GTF2E2: variants seen among roughly 807,000 people sequenced by gnomAD.
GTF2E2 encodes transcription initiation factor IIE subunit beta.
GTF2E2 carries 21 observed loss-of-function variants against 40.5 expected under a neutral mutation model. The observed-to-expected ratio is 0.52, with a 90% CI of 0.37 to 0.75. The LOEUF (loss-of-function observed/expected upper bound fraction) is 0.75, where lower values mean the gene tolerates loss of function less well. Ranked by LOEUF, GTF2E2 falls within the 30% of genes least tolerant of loss-of-function variation. The probability of loss-of-function intolerance (pLI) is 0.00; values close to 1 mark genes in which losing one functional copy is unlikely to be tolerated. For synonymous variants in GTF2E2, 117 were observed against 121.6 expected, an observed-to-expected ratio of 0.96 and a Z score of 0.25; for missense variants, 298 against 338.4, an observed-to-expected ratio of 0.88 and a Z score of 0.94.
intron 2 of GTF2E2, among the ~76,000 whole-genome samples, chr8:30,640,493 A>G (rs1801777685): frequency 6.6e-6 from 1 of 152,222 alleles, no homozygotes; most frequent in Non-Finnish European, 1.5e-5. Context: ...ATGCTAAAAA[A>G]AAATTATGTG....
chr8:30,593,313 C>A (rs542071013), intron 6 of GTF2E2, among the ~76,000 whole-genome samples: 41 of 152,326 alleles, frequency 2.7e-4, no homozygotes, highest in African/African-American at 9.6e-4. Context: ...TCATAATTTT[C>A]CATCTATCTG....
chr8:30,635,461 C>A (rs926317572), intron 2 of GTF2E2, among the ~76,000 whole-genome samples: 2 of 152,108 alleles, frequency 1.3e-5, no homozygotes, highest in African/African-American at 2.4e-5. Flanking sequence ...CAGCTCACTA[C>A]ACCCTCAACT....
intron 6 of GTF2E2, among the ~76,000 whole-genome samples, chr8:30,599,198 T>C (rs1254992025): frequency 6.6e-6 from 1 of 152,210 alleles, no homozygotes; most frequent in Admixed American, 6.5e-5. Flanking sequence ...ATGTCTATCT[T>C]TTGATCCAGC....
At chr8:30,644,750 ATT>A (rs5890531) in intron 2 of GTF2E2, among the ~76,000 whole-genome samples, 52,935 of 141,510 alleles carry the variant, frequency 0.37, 9,661 homozygotes, top group South Asian at 0.55. Flanking sequence ...CGGTATATGA[ATT>A]TTTTTTTTTT....
At chr8:30,595,148 TATTTA>T (rs896625970) in intron 6 of GTF2E2, among the ~76,000 whole-genome samples, 5 of 152,212 alleles carry the variant, frequency 3.3e-5, no homozygotes, top group African/African-American at 1.2e-4. Context: ...ACAACATACA[TATTTA>T]ATTAATCAGA....
At chr8:30,603,064 T>C (rs778131078) in intron 6 of GTF2E2, among the ~76,000 whole-genome samples, 2 of 152,208 alleles carry the variant, frequency 1.3e-5, no homozygotes, top group Admixed American at 1.3e-4. Flanking sequence ...ATTTTGTATA[T>C]TGTCCTCCAC....
At chr8:30,628,364 C>A (rs1801345274) in intron 3 of GTF2E2, among the ~76,000 whole-genome samples, 2 of 152,164 alleles carry the variant, frequency 1.3e-5, no homozygotes, top group Non-Finnish European at 2.9e-5. Context: ...AAAGAGCAGG[C>A]TAATAAGCTG....
At chr8:30,615,794 T>G (rs909874974) in intron 3 of GTF2E2, among the ~76,000 whole-genome samples, 1 of 152,166 alleles carries the variant, frequency 6.6e-6, no homozygotes, top group East Asian at 1.9e-4. Context: ...CTCTTACCAT[T>G]TGATCAATCT....
At chr8:30,657,146 T>A (rs1017140095) in intron 1 of GTF2E2, 1 of 152,266 alleles carries the variant, frequency 6.6e-6, no homozygotes, top group African/African-American at 2.4e-5. Context: ...CATCACGTGC[T>A]CCGCCTAACT....
chr8:30,608,814 A>G (rs1829396830), intron 5 of GTF2E2, among the ~76,000 whole-genome samples: 1 of 152,180 alleles, frequency 6.6e-6, no homozygotes, highest in South Asian at 2.1e-4. Context: ...CAGTGACGCG[A>G]TCTTGGCTCA....
chr8:30,580,185 G>T, intron 7 of GTF2E2, 96 bp downstream of exon 7: 1 of 725,236 alleles, frequency 1.4e-6, no homozygotes, highest in Non-Finnish European at 2.4e-6. Context: ...AAACAATGGC[G>T]GGGGAACAAC....
chr8:30,630,752 T>A (rs1474670256), intron 3 of GTF2E2, among the ~76,000 whole-genome samples: 1 of 152,198 alleles, frequency 6.6e-6, no homozygotes, highest in African/African-American at 2.4e-5. Flanking sequence ...GAATGGTAAC[T>A]GAGGTGCCGT....
intron 3 of GTF2E2, among the ~76,000 whole-genome samples, chr8:30,615,997 C>T (rs549959071): frequency 7.9e-5 from 12 of 152,124 alleles, no homozygotes; most frequent in South Asian, 6.2e-4. Context: ...AGTGCTAAAA[C>T]GAAATGAGCT....
intron 6 of GTF2E2, among the ~76,000 whole-genome samples, chr8:30,599,470 T>G (rs1366362475): frequency 6.6e-6 from 1 of 151,412 alleles, no homozygotes; most frequent in African/African-American, 2.4e-5. Flanking sequence ...TCCCAGCTAC[T>G]CGGGAGTCTG....
intron 6 of GTF2E2, among the ~76,000 whole-genome samples, chr8:30,585,995 G>C (rs1828671045): frequency 6.6e-6 from 1 of 151,960 alleles, no homozygotes; most frequent in Non-Finnish European, 1.5e-5. Flanking sequence ...GGTGGGAAGA[G>C]AGCTTGAACC....
At chr8:30,640,836 C>G (rs965725837) in intron 2 of GTF2E2, among the ~76,000 whole-genome samples, 6 of 152,096 alleles carry the variant, frequency 3.9e-5, no homozygotes, top group African/African-American at 1.4e-4. Context: ...TCCTGAGAAA[C>G]TGGGATTACA....
intron 6 of GTF2E2, among the ~76,000 whole-genome samples, chr8:30,589,715 G>A (rs562534554): frequency 1.3e-5 from 2 of 152,134 alleles, no homozygotes; most frequent in South Asian, 2.1e-4. Context: ...AACAGGCATC[G>A]TCTGCCCAAA....
chr8:30,607,934 G>T (rs1365618397), intron 5 of GTF2E2, among the ~76,000 whole-genome samples: 1 of 152,112 alleles, frequency 6.6e-6, no homozygotes, highest in African/African-American at 2.4e-5. Context: ...TGAAATACAT[G>T]GGCATCCTTC....
At chr8:30,600,752 G>T (rs563079721) in intron 6 of GTF2E2, among the ~76,000 whole-genome samples, 2 of 152,172 alleles carry the variant, frequency 1.3e-5, no homozygotes, top group African/African-American at 4.8e-5. Flanking sequence ...TGCCTGCCTA[G>T]GTCCAACTAC....
Sources: allele counts gnomAD v4.1 joint callset (sites outside exome capture counted in the v4.1 genomes callset), GRCh38; gene constraint gnomAD v4.1.1; transcripts MANE v1.5; gene names NCBI Gene and HGNC (gene_info 2026-07-23, HGNC 2026-07-21).